The following BNC2 variants were observed in gnomAD, a reference collection of about 807,000 sequenced individuals.
The protein encoded by BNC2 is basonuclin zinc finger protein 2, also known as zinc finger protein basonuclin-2.
In BNC2, 20 loss-of-function variants were observed where a neutral mutation model predicts 76.3. That is an observed-to-expected ratio of 0.26 (90% confidence interval 0.18 to 0.38). The LOEUF (loss-of-function observed/expected upper bound fraction) is 0.38. Ranked by LOEUF, BNC2 falls within the 10% of genes least tolerant of loss-of-function variation. The pLI is 1.00. For missense variants in BNC2, 1,382 were observed against 1,399.8 expected (o/e 0.99, Z 0.20); for synonymous variants, 582 against 514.8 (o/e 1.13, Z -1.77).
At chr9:16,671,744 G>A (rs1205906331) in intron 3 of BNC2, among the ~76,000 whole-genome samples, 2 of 152,142 alleles carry the variant, frequency 1.3e-5, no homozygotes, top group East Asian at 3.9e-4. Context: ...AAGGCATCTT[G>A]TTTCACCATA....
intron 1 of BNC2, among the ~76,000 whole-genome samples, chr9:16,846,989 C>T (rs1361132439): frequency 6.6e-6 from 1 of 152,158 alleles, no homozygotes; most frequent in Non-Finnish European, 1.5e-5. Flanking sequence ...CCTGAAAGTA[C>T]ACTATTTCTG....
At chr9:16,816,535 A>G (rs1188659059) in intron 1 of BNC2, among the ~76,000 whole-genome samples, 1 of 152,250 alleles carries the variant, frequency 6.6e-6, no homozygotes, top group Non-Finnish European at 1.5e-5. Flanking sequence ...TATACAAAGT[A>G]TAACAATGAC....
intron 5 of BNC2, among the ~76,000 whole-genome samples, chr9:16,453,276 A>G (rs922620782): frequency 2.0e-5 from 3 of 152,182 alleles, no homozygotes; most frequent in Admixed American, 2.0e-4. Flanking sequence ...GTTGTCTAAT[A>G]TCATGAAGTG....
chr9:16,451,910 T>G (rs1821348357), intron 5 of BNC2, among the ~76,000 whole-genome samples: 1 of 152,168 alleles, frequency 6.6e-6, no homozygotes, highest in Non-Finnish European at 1.5e-5. Flanking sequence ...GGGAGGCAGC[T>G]TAGAAATCAT....
chr9:16,804,873 C>G (rs1023088251), intron 1 of BNC2, among the ~76,000 whole-genome samples: 7 of 151,922 alleles, frequency 4.6e-5, no homozygotes, highest in Non-Finnish European at 7.4e-5. Context: ...ACCAGCCTGG[C>G]CAATACAGTG....
Position 16,418,899 on chromosome 9 carries a change from A to ACACACC in BNC2, c.*89_*90insGGTGTG, listed in dbSNP as rs113777392. On this transcript the variant is annotated 3_prime_UTR_variant, in exon 7 of 7. Coordinates refer to ENST00000380672, the MANE Select transcript of BNC2 (RefSeq NM_017637.6). Reference sequence around the variant, plus strand: ...CACACACACACACACACACACACACACCCCAAGTACATAAGCGCACACTGA... The same window carrying ACACACC: ...CACACACACACACACACACACACACACACACCCCCCAAGTACATAAGCGCACACTGA... 28 of 1,401,480 alleles carry ACACACC rather than the reference A, an allele frequency of 2.0e-5. No homozygotes were observed. The highest frequency in any genetic ancestry group is 1.8e-4 in the Middle Eastern group (1 of 5,422). The allele number at this position is 1,401,480 out of a possible 1,614,324, so 86.8% of individuals were successfully genotyped here.
intron 3 of BNC2, among the ~76,000 whole-genome samples, chr9:16,664,251 T>A (rs78139340): frequency 0.021 from 3,208 of 152,274 alleles, 51 homozygotes; most frequent in South Asian, 0.078. Flanking sequence ...CCCAAGGTTG[T>A]CCCTCCTTTC....
intron 3 of BNC2, among the ~76,000 whole-genome samples, chr9:16,703,331 T>C (rs1222303977): frequency 1.3e-5 from 2 of 152,104 alleles, no homozygotes; most frequent in Non-Finnish European, 2.9e-5. Context: ...AAATTGGCTG[T>C]TAAGTAAAAG....
chr9:16,852,365 A>T (rs1819148117), intron 1 of BNC2, among the ~76,000 whole-genome samples: 1 of 152,236 alleles, frequency 6.6e-6, no homozygotes, highest in Non-Finnish European at 1.5e-5. Flanking sequence ...TGAGCTAAGC[A>T]TAAGCAGTTC....
intron 3 of BNC2, among the ~76,000 whole-genome samples, chr9:16,629,940 A>T (rs1821112697): frequency 6.6e-6 from 1 of 152,202 alleles, no homozygotes; most frequent in Admixed American, 6.5e-5. Context: ...GGTTTGCCGC[A>T]TCAATTGACT....
At chr9:16,738,329 A>G (rs763973279) in intron 2 of BNC2, 31 bp downstream of exon 2, 8 of 1,508,400 alleles carry the variant, frequency 5.3e-6, no homozygotes, top group African/African-American at 2.2e-5. Flanking sequence ...TGTCCAAGTA[A>G]CTTAAAGGGG....
intron 3 of BNC2, among the ~76,000 whole-genome samples, chr9:16,608,055 T>C (rs149423454): frequency 4.6e-5 from 7 of 152,218 alleles, no homozygotes; most frequent in Admixed American, 1.3e-4. Flanking sequence ...TTCAAGAAAT[T>C]TGAGACATCA....
At chr9:16,424,570 A>G (rs1157604060) in intron 6 of BNC2, among the ~76,000 whole-genome samples, 2 of 152,172 alleles carry the variant, frequency 1.3e-5, no homozygotes, top group African/African-American at 4.8e-5. Context: ...ATAACAACAT[A>G]TACATAGCGT....
At chr9:16,561,110 G>A (rs906436628) in intron 4 of BNC2, among the ~76,000 whole-genome samples, 1 of 152,034 alleles carries the variant, frequency 6.6e-6, no homozygotes. Flanking sequence ...ATGGTGGTGG[G>A]CACCTGTAAT....
chr9:16,557,118 G>A (rs981008065), intron 4 of BNC2, among the ~76,000 whole-genome samples: 1 of 152,130 alleles, frequency 6.6e-6, no homozygotes, highest in Non-Finnish European at 1.5e-5. Flanking sequence ...TCATTTATCA[G>A]GATGGAGTGG....
At chr9:16,563,210 TA>T (rs35790717) in intron 4 of BNC2, among the ~76,000 whole-genome samples, 20 of 151,700 alleles carry the variant, frequency 1.3e-4, no homozygotes, top group African/African-American at 4.3e-4. Flanking sequence ...AGCATTTTGT[TA>T]AAAAAAAATT....
At chr9:16,739,357 G>A (rs2135139258) in intron 1 of BNC2, among the ~76,000 whole-genome samples, 1 of 152,282 alleles carries the variant, frequency 6.6e-6, no homozygotes, top group African/African-American at 2.4e-5. Context: ...AAAGACAAAA[G>A]CAGGGTCCAA....
intron 1 of BNC2, among the ~76,000 whole-genome samples, chr9:16,852,393 G>A (rs529080346): frequency 1.8e-4 from 27 of 152,316 alleles, no homozygotes; most frequent in African/African-American, 6.0e-4. Flanking sequence ...TTCAGCAGCA[G>A]ATGCCAAAGA....
intron 5 of BNC2, among the ~76,000 whole-genome samples, chr9:16,504,354 T>TGAATA (rs1448601379): frequency 2.5e-4 from 38 of 150,332 alleles, no homozygotes; most frequent in African/African-American, 5.7e-4. Flanking sequence ...TATTCCAGAA[T>TGAATA]CCAAGTCCAC....
Sources: gnomAD v4.1 joint callset for allele counts (sites outside exome capture counted in the v4.1 genomes callset) on GRCh38, gnomAD v4.1.1 for gene constraint, MANE v1.5 for transcripts, NCBI Gene and HGNC (gene_info 2026-07-23, HGNC 2026-07-21) for gene names.